CKB: variants seen among roughly 807,000 people sequenced by gnomAD.
CKB encodes creatine kinase B.
In CKB, 15 loss-of-function variants were observed where a neutral mutation model predicts 36.9. That is an observed-to-expected ratio of 0.41 (90% CI 0.27 to 0.63). CKB has a LOEUF of 0.63. Ranked by LOEUF, CKB falls within the 20% of genes least tolerant of loss-of-function variation. The pLI, the probability that CKB is intolerant of heterozygous loss-of-function variation, is 0.34. For synonymous variants in CKB, 250 were observed against 228.2 expected, an observed-to-expected ratio of 1.10 and a Z score of -0.86; for missense variants, 413 against 534.9, an observed-to-expected ratio of 0.77 and a Z score of 2.25.
rs1221140015 is a variant in CKB, at chr14:103,519,885, G to A, written c.1125C>T (p.Asp375=). The A allele has an allele frequency of 3.1e-6, 5 of 1,605,946 alleles. No homozygotes were observed. The Admixed American group carries it at 6.7e-5, about 21-fold the overall frequency. Residue 375 remains aspartate, a synonymous_variant, in exon 8 of 8, where the codon GAC becomes GAT. Transcript: ENST00000348956. ...QRLEQGQAID[D]LMPAQK ...GGCTTCATTTCTGGGCAGGCATGAG[G>A]TCGTCGATGGCCTGGCCCTGCTCCA...
chr14:103,520,292 G>C lies in CKB; in HGVS notation c.797C>G (p.Ser266Cys), dbSNP rs747430687. The change falls in exon 7 of 8, where the codon TCT (serine) becomes TGT (cysteine). Residue 266 changes from serine (S) to cysteine (C), a missense_variant. This residue lies in a region of CKB where 314 missense variants were observed against 409.4 expected (regional missense o/e 0.77). Coordinates refer to ENST00000348956, the MANE Select transcript of CKB (RefSeq NM_001823.5). ...GLTQIETLFK[S>C]KDYEFMWNPH... ...GTTCCACATGAACTCATAGTCCTTA[G>C]ACTTGAAGAGAGTTTCAATCTGCAG... The C allele has an allele frequency of 1.5e-4, 235 of 1,608,174 alleles. No individual in the cohort carries two copies. The highest frequency in any genetic ancestry group is 1.9e-4 in the Non-Finnish European group (222 of 1,176,628).
At chr14:103,520,362 C>G (rs1159908422) in intron 6 of CKB, 51 bp from the exon 7 acceptor site, 2 of 1,587,678 alleles carry the variant, frequency 1.3e-6, no homozygotes, top group South Asian at 1.1e-5. Context: ...GAAACCCCTA[C>G]AGGCCCTGAG....
intron 5 of CKB, 39 bp from the exon 6 acceptor site, chr14:103,520,631 G>A (rs530669346): frequency 2.5e-6 from 4 of 1,580,862 alleles, no homozygotes; most frequent in Non-Finnish European, 3.4e-6. Flanking sequence ...CCAGAAAAAA[G>A]CCCCAGGCCG....
rs1387169015 is a variant in CKB, at chr14:103,519,744, GGAAGTCTCTACA to G, written c.*108_*119del. On this transcript the variant is annotated 3_prime_UTR_variant, in exon 8 of 8. Coordinates refer to ENST00000348956, the MANE Select transcript of CKB (RefSeq NM_001823.5). The stretch of plus-strand genomic sequence containing the variant: ...AAAAATAAACTCTACCAAGGGTGAC[GGAAGTCTCTACA>G]GCAAGGCTAAGGGCTCGCCAGACGG... 2 of 1,135,200 alleles carry G rather than the reference GGAAGTCTCTACA, an allele frequency of 1.8e-6. No homozygotes were observed. The highest frequency in any genetic ancestry group is 3.1e-5 in the African/African-American group (2 of 64,714). 70.3% of individuals were successfully genotyped at this position (1,135,200 alleles called of 1,614,324 possible).
In CKB at chr14:103,522,636, C is replaced by A. The variant is rs1173076482; in HGVS notation, c.-13+130G>T. The A allele has an allele frequency of 1.3e-5, 6 of 473,208 alleles. No homozygotes were observed. Among genetic ancestry groups the A allele is most frequent in the Admixed American group, 5.1e-5 (1 of 19,544 alleles). The allele number at this position is 473,208 out of a possible 1,614,324, so 29.3% of individuals were successfully genotyped here. ...CGGCCAAGGTCAGCGGGGTCCGCAG[C>A]GCGCGCGGGGAGCGCCATCATCGCC... On this transcript the variant is annotated intron_variant, in intron 1 of 7. Transcript: ENST00000348956. This position sits in a 1 kb window ranked among gnomAD's most constrained non-coding sequence, Gnocchi z 6.7.
At chr14:103,521,109 G>A in intron 5 of CKB, 154 bp downstream of exon 5, 1 of 950,116 alleles carries the variant, frequency 1.1e-6, no homozygotes, top group Non-Finnish European at 1.6e-6. Flanking sequence ...GAGGAGGCGC[G>A]GCACGGAACC....
rs773066018 is a variant in CKB at position 103,519,930 on chromosome 14, G to A, written c.1080C>T (p.Leu360=). The change falls in exon 8 of 8, where the codon CTC becomes CTT. Residue 360 remains leucine, a synonymous_variant. Coordinates refer to ENST00000348956, the MANE Select transcript of CKB (RefSeq NM_001823.5). The part of the protein sequence containing the change: ...VQMVVDGVKL[L]IEMEQRLEQG... ...GCTCCAGCCGCTGCTCCATCTCGAT[G>A]AGCAGCTTCACTCCGTCCACCACCA... The A allele has an allele frequency of 3.1e-6, 5 of 1,609,914 alleles. No individual in the cohort carries two copies. The highest frequency in any genetic ancestry group is 4.2e-6 in the Non-Finnish European group (5 of 1,179,964).
At chr14:103,521,224 G>A in intron 5 of CKB, 39 bp downstream of exon 5, 3 of 1,545,980 alleles carry the variant, frequency 1.9e-6, no homozygotes, top group African/African-American at 1.4e-5. Context: ...AGGTAGCGGG[G>A]AGGGAGGACG....
At chr14:103,521,607 C>A in intron 4 of CKB, 173 bp from the exon 5 acceptor site, 1 of 890,244 alleles carries the variant, frequency 1.1e-6, no homozygotes, top group Middle Eastern at 3.7e-4. Flanking sequence ...GGTGACCCCG[C>A]GCCAGGACCC....
At position 103,519,821 on chromosome 14, in the gene CKB, AAGTT is replaced by A. The variant is rs1309675490; in HGVS notation, c.*39_*42del. ...GCATGGTGGGCACTGCCCAGGCAAT[AAGTT>A]AGGAAGCAGCAGGGCTGGTGTCGGG... On this transcript the variant is annotated 3_prime_UTR_variant, in exon 8 of 8. Coordinates refer to ENST00000348956, the MANE Select transcript of CKB (RefSeq NM_001823.5). 16 of 1,560,130 alleles carry A rather than the reference AAGTT, an allele frequency of 1.0e-5. No individual in the cohort carries two copies. Among genetic ancestry groups the A allele is most frequent in the East Asian group, 2.2e-5 (1 of 44,508 alleles).
chr14:103,521,317 G>A lies in CKB; in HGVS notation c.599C>T (p.Pro200Leu), dbSNP rs760682236. Residue 200 changes from proline (P) to leucine (L), a missense_variant, in exon 5 of 8, where the codon CCC becomes CTC. Pro to Leu is a moderately conservative substitution (Grantham distance 98). Around this residue, in one of 3 missense-constraint regions of CKB, gnomAD observed 314 missense variants for 409.4 expected, o/e 0.77. Coordinates refer to ENST00000348956, the MANE Select transcript of CKB (RefSeq NM_001823.5). The part of the protein sequence containing the change: ...DHFLFDKPVS[P>L]LLLASGMARD... ...GGCCATGCCCGAGGCCAGCAGCAGG[G>A]GCGACACGGGCTTGTCGAAGAGGAA... 6.2e-7 allele frequency: 1 copy of A among 1,608,234 alleles called. No individual in the cohort carries two copies. The highest frequency in any genetic ancestry group is 8.5e-7 in the Non-Finnish European group (1 of 1,178,904).
chr14:103,519,873 G>A lies in CKB; in HGVS notation c.1137C>T (p.Ala379=), dbSNP rs61730319. Residue 379 remains alanine (A), a synonymous_variant, in exon 8 of 8, where the codon GCC becomes GCT. Coordinates refer to ENST00000348956, the MANE Select transcript of CKB (RefSeq NM_001823.5). ...GGGTGTGGGCCGGGCTTCATTTCTG[G>A]GCAGGCATGAGGTCGTCGATGGCCT... ...QGQAIDDLMP[A]QK 3.0e-4 allele frequency: 479 copies of A among 1,603,270 alleles called. 2 individuals carry two copies. Among genetic ancestry groups the A allele is most frequent in the Non-Finnish European group, 4.9e-5 (58 of 1,178,810 alleles).
At position 103,520,558 on chromosome 14, in the gene CKB, T is replaced by A; in HGVS notation, c.688A>T (p.Asn230Tyr). 1 of 1,613,044 alleles carries A rather than the reference T, an allele frequency of 6.2e-7. No individual in the cohort carries two copies. Among genetic ancestry groups the A allele is most frequent in the Non-Finnish European group, 8.5e-7 (1 of 1,179,756 alleles). The stretch of plus-strand genomic sequence containing the variant: ...ATGACCCGCAGGTGGTCCTCCTCGT[T>A]GACCCACACCAGGAAGGTCTTATTG... ...NDNKTFLVWV[N>Y]EEDHLRVISM... The change falls in exon 6 of 8, where the codon AAC (asparagine) becomes TAC (tyrosine). Residue 230 changes from asparagine (N) to tyrosine (Y), a missense_variant. Around this residue, in one of 3 missense-constraint regions of CKB, gnomAD observed 314 missense variants for 409.4 expected, o/e 0.77. Transcript: ENST00000348956.
In CKB at chr14:103,519,963, C is replaced by T. The variant is rs762204731; in HGVS notation, c.1047G>A (p.Leu349=). 5.6e-6 allele frequency: 9 copies of T among 1,611,020 alleles called. No homozygotes were observed. In the African/African-American group the frequency reaches 1.2e-4, roughly 21 times the overall value. ...ADRLGFSEVE[L]VQMVVDGVKL... ...TCACTCCGTCCACCACCATCTGCAC[C>T]AGCTCCACCTCTGAGAAGCCCAGGC... is the stretch of plus-strand genomic sequence containing the variant. Residue 349 remains leucine (L), a synonymous_variant, in exon 8 of 8, where the codon CTG becomes CTA. Coordinates refer to ENST00000348956, the MANE Select transcript of CKB (RefSeq NM_001823.5).
intron 4 of CKB, 155 bp downstream of exon 4, chr14:103,521,663 C>A: frequency 1.3e-5 from 13 of 1,037,270 alleles, no homozygotes; most frequent in Non-Finnish European, 1.7e-5. Flanking sequence ...GCTGGGCCTC[C>A]GTCCCTCGGT....
rs914021014 is a variant in CKB, at chr14:103,522,261, G to T, written c.193+40C>A. 5 of 1,572,152 alleles carry T rather than the reference G, an allele frequency of 3.2e-6. No individual in the cohort carries two copies. Among genetic ancestry groups the T allele is most frequent in the Non-Finnish European group, 4.3e-6 (5 of 1,162,470 alleles). ...CTGAGGACCCTGCGGCTGCGCGGGG[G>T]GAGGGGGGGCCGGGACCCCGGCCCC... On this transcript the variant is annotated intron_variant, in intron 2 of 7. Coordinates refer to ENST00000348956, the MANE Select transcript of CKB (RefSeq NM_001823.5). The surrounding 1 kb of genome is among the most constrained non-coding windows in gnomAD (Gnocchi z 6.7).
intron 3 of CKB, 34 bp downstream of exon 3, chr14:103,521,989 G>GCCCCCC: frequency 6.5e-7 from 1 of 1,542,790 alleles, no homozygotes; most frequent in Non-Finnish European, 8.7e-7. Flanking sequence ...GAAGACCCCG[G>GCCCCCC]CCCCGCCCGC....
chr14:103,520,338 G>A, intron 6 of CKB, 27 bp from the exon 7 acceptor site: 1 of 1,589,574 alleles, frequency 6.3e-7, no homozygotes, highest in Non-Finnish European at 8.6e-7. Context: ...GGGTATGAGG[G>A]AGAAGGCCTG....
intron 4 of CKB, 53 bp downstream of exon 4, chr14:103,521,765 G>A: frequency 1.5e-6 from 2 of 1,341,184 alleles, no homozygotes; most frequent in Non-Finnish European, 1.9e-6. Flanking sequence ...GGCGGGGACC[G>A]CGCCGGGAGG....
Sources: allele counts gnomAD v4.1 joint callset, GRCh38; gene constraint gnomAD v4.1.1; regional missense constraint gnomAD v4.1.1; non-coding constraint Gnocchi (gnomAD v3.1); transcripts MANE v1.5; gene names NCBI Gene and HGNC (gene_info 2026-07-23, HGNC 2026-07-21).